The following ARL13B variants were observed in gnomAD, a reference collection of about 807,000 sequenced individuals.
ARL13B encodes ARF like GTPase 13B, also known as ADP-ribosylation factor-like protein 13B.
Under a neutral mutation model 56.1 loss-of-function variants are expected in ARL13B, and 36 were observed. That is an observed-to-expected ratio of 0.64 (90% CI 0.49 to 0.85). The LOEUF (loss-of-function observed/expected upper bound fraction) is 0.85, where lower values mean the gene tolerates loss of function less well. ARL13B is among the 40% of genes least tolerant of loss of function. The probability of loss-of-function intolerance (pLI) is 0.00; values close to 1 mark genes in which losing one functional copy is unlikely to be tolerated. For missense variants in ARL13B, 519 were observed against 507.1 expected, an observed-to-expected ratio of 1.02 and a Z score of -0.23; for synonymous variants, 178 against 171.1, an observed-to-expected ratio of 1.04 and a Z score of -0.32.
At position 93,992,798 on chromosome 3, in the gene ARL13B, T is replaced by C. The variant is rs1016095385; in HGVS notation, c.60-3076T>C. Reference sequence around the variant, plus strand: ...AAATATTTATTTTATCATTGTGTTTTATTTTATTTTTTGAGACAGCATCTC... The same window carrying C: ...AAATATTTATTTTATCATTGTGTTTCATTTTATTTTTTGAGACAGCATCTC... On this transcript the variant is annotated intron_variant, in intron 1 of 9. Transcript: ENST00000394222. 5.9e-5 allele frequency among the ~76,000 whole-genome samples: 9 copies of C among 152,138 alleles called. No homozygotes were observed. In the South Asian group the frequency reaches 1.0e-3, roughly 18 times the overall value.
intron 3 of ARL13B, among the ~76,000 whole-genome samples, chr3:94,017,385 GAGCTGCTTCATGAGGTGCTGAGTTTGC>G (rs1352203736): frequency 2.6e-5 from 4 of 152,162 alleles, no homozygotes; most frequent in African/African-American, 9.7e-5. Flanking sequence ...AAGATGAAAT[GAGCTGCTTCATGAGGTGCTGAGTTTGC>G]CATCACTGGA....
chr3:94,037,818 T>C (rs972334008), intron 5 of ARL13B, among the ~76,000 whole-genome samples: 1 of 152,122 alleles, frequency 6.6e-6, no homozygotes, highest in African/African-American at 2.4e-5. Flanking sequence ...AGAAATCTAA[T>C]GTTAGTAACT....
At chr3:94,042,975 A>G (rs1190665434) in intron 6 of ARL13B, 40 bp from the exon 7 acceptor site, 3 of 1,504,028 alleles carry the variant, frequency 2.0e-6, no homozygotes, top group Non-Finnish European at 9.0e-7. Flanking sequence ...TCTTAGATAA[A>G]ACCATCATAG....
intron 3 of ARL13B, chr3:94,014,861 G>A (rs753507112): frequency 9.9e-6 from 16 of 1,613,932 alleles, no homozygotes; most frequent in Middle Eastern, 1.6e-4. Flanking sequence ...ATTGCAGCAT[G>A]CTGAGATTTA....
chr3:93,980,578 TATCCCAGGCCGCA>T (rs1415798331), intron 1 of ARL13B, 96 bp downstream of exon 1: 2 of 1,474,216 alleles, frequency 1.4e-6, no homozygotes, highest in East Asian at 4.6e-5. Context: ...TGGACGAGTC[TATCCCAGGCCGCA>T]AGGGATGCTT....
At chr3:93,996,726 C>G (rs1312492871) in intron 2 of ARL13B, 1 of 305,692 alleles carries the variant, frequency 3.3e-6, no homozygotes, top group South Asian at 2.7e-5. Flanking sequence ...ATAGCAGTAT[C>G]TATGCTAGTG....
chr3:93,982,988 A>G (rs1472409035), intron 1 of ARL13B, among the ~76,000 whole-genome samples: 1 of 152,098 alleles, frequency 6.6e-6, no homozygotes, highest in East Asian at 1.9e-4. Context: ...TATTATGTAT[A>G]TATTTGTTTT....
At chr3:94,025,966 C>G (rs2076546963) in intron 3 of ARL13B, among the ~76,000 whole-genome samples, 2 of 151,736 alleles carry the variant, frequency 1.3e-5, no homozygotes, top group South Asian at 4.2e-4. Context: ...AATTACTACT[C>G]TTCACTTTGG....
At chr3:94,027,800 AATATT>A (rs2076588601) in intron 3 of ARL13B, among the ~76,000 whole-genome samples, 1 of 152,108 alleles carries the variant, frequency 6.6e-6, no homozygotes, top group South Asian at 2.1e-4. Context: ...TACTAGTTGA[AATATT>A]ATAAAGGTTA....
intron 2 of ARL13B, chr3:93,996,457 AATATATATC>A: frequency 5.2e-6 from 1 of 193,712 alleles, no homozygotes; most frequent in East Asian, 1.1e-4. Flanking sequence ...TTGAATATTG[AATATATATC>A]ATACATATTA....
In ARL13B at chr3:94,050,870, T is replaced by C. The variant is rs1248395985; in HGVS notation, c.1188T>C (p.Pro396=). Residue 396 remains proline, a synonymous_variant, in exon 9 of 10, where the codon CCT becomes CCC. Transcript: ENST00000394222. ...PKVTRLPKLE[P]LGETHHNDFY... is the part of the protein sequence containing the mutation. ...TCACTAGACTTCCAAAACTTGAGCCTCTTGGTGAAACACATCATAATGGTA... is the reference window on the plus strand; with the variant it reads ...TCACTAGACTTCCAAAACTTGAGCCCCTTGGTGAAACACATCATAATGGTA... The C allele has an allele frequency of 6.2e-7, 1 of 1,613,200 alleles. No individual in the cohort carries two copies. Among genetic ancestry groups the C allele is most frequent in the Non-Finnish European group, 8.5e-7 (1 of 1,179,742 alleles).
At chr3:93,991,761 G>A (rs1382542753) in intron 1 of ARL13B, among the ~76,000 whole-genome samples, 1 of 152,168 alleles carries the variant, frequency 6.6e-6, no homozygotes, top group Non-Finnish European at 1.5e-5. Context: ...TTGAGTTTTA[G>A]GTGAATGTTA....
rs762926282 is a variant in ARL13B, at chr3:94,050,891, T to A, written c.1209T>A (p.Asn403Lys). 2.5e-6 allele frequency: 4 copies of A among 1,612,838 alleles called. No homozygotes were observed. Among genetic ancestry groups the A allele is most frequent in the Non-Finnish European group, 3.4e-6 (4 of 1,179,462 alleles). Residue 403 changes from asparagine to lysine, a missense_variant and splice_region_variant, in exon 9 of 10, where the codon AAT (asparagine) becomes AAA (lysine). Coordinates refer to ENST00000394222, the MANE Select transcript of ARL13B (RefSeq NM_001174150.2). ...AGCCTCTTGGTGAAACACATCATAA[T>A]GGTAATGCAAAAGGATTGGTTTTCA... ...KLEPLGETHH[N>K]DFYRKPLPPL...
chr3:94,038,012 G>A (rs150361161), intron 5 of ARL13B, among the ~76,000 whole-genome samples: 1 of 152,100 alleles, frequency 6.6e-6, no homozygotes, highest in Admixed American at 6.5e-5. Flanking sequence ...TTGACATTCG[G>A]AGACGGGTGA....
chr3:93,996,542 TA>T, intron 2 of ARL13B: 1 of 312,510 alleles, frequency 3.2e-6, no homozygotes, highest in Non-Finnish European at 6.5e-6. Flanking sequence ...ATTTTTAATT[TA>T]TTAGGTCTTT....
At chr3:93,993,005 G>A (rs1244317415) in intron 1 of ARL13B, among the ~76,000 whole-genome samples, 7 of 147,354 alleles carry the variant, frequency 4.8e-5, no homozygotes, top group African/African-American at 1.0e-4. Flanking sequence ...GGATTTCACC[G>A]TGTCGTCCAG....
At chr3:94,047,891 A>C (rs1207796989) in intron 7 of ARL13B, 1 of 152,170 alleles carries the variant, frequency 6.6e-6, no homozygotes, top group African/African-American at 2.4e-5. Flanking sequence ...ATTTAGAATA[A>C]TAATTTGTTT....
chr3:93,993,220 C>T (rs535760190), intron 1 of ARL13B, among the ~76,000 whole-genome samples: 12 of 151,916 alleles, frequency 7.9e-5, no homozygotes, highest in Non-Finnish European at 1.8e-4. Flanking sequence ...CTGCCTCCTG[C>T]GTTCAAGCGA....
chr3:93,995,090 T>A (rs2075942651), intron 1 of ARL13B, among the ~76,000 whole-genome samples: 1 of 152,052 alleles, frequency 6.6e-6, no homozygotes, highest in South Asian at 2.1e-4. Context: ...TTGTGCAGAG[T>A]TCAACCTAGA....
Sources: gnomAD v4.1 joint callset for allele counts (sites outside exome capture counted in the v4.1 genomes callset) on GRCh38, gnomAD v4.1.1 for gene constraint, MANE v1.5 for transcripts, NCBI Gene and HGNC (gene_info 2026-07-23, HGNC 2026-07-21) for gene names.